Variants in NFIX observed in about 807,000 individuals in gnomAD.
NFIX encodes nuclear factor I X.
In NFIX, 2 loss-of-function variants were observed where a neutral mutation model predicts 53.3. That is an observed-to-expected ratio of 0.04 (90% CI 0.02 to 0.12). NFIX has a LOEUF of 0.12. Among genes scored for constraint, NFIX ranks in the 10% least tolerant of loss-of-function variants. The probability of loss-of-function intolerance (pLI) is 1.00; values close to 1 mark genes in which losing one functional copy is unlikely to be tolerated. For missense variants in NFIX, 310 were observed against 674.5 expected, an observed-to-expected ratio of 0.46 and a Z score of 5.99; for synonymous variants, 244 against 289.0, an observed-to-expected ratio of 0.84 and a Z score of 1.58.
chr19:13,003,296 C>T (rs2011824378), intron 1 of NFIX, among the ~76,000 whole-genome samples: 1 of 152,134 alleles, frequency 6.6e-6, no homozygotes, highest in South Asian at 2.1e-4. Context: ...CCGAACACAT[C>T]GATGCGGCAT....
At position 13,043,741 on chromosome 19, in the gene NFIX, G is replaced by A. The variant is rs2014793972; in HGVS notation, c.559+18189G>A. 6.6e-6 allele frequency among the ~76,000 whole-genome samples: 1 copy of A among 152,210 alleles called. No homozygotes were observed. Among genetic ancestry groups the A allele is most frequent in the African/African-American group, 2.4e-5 (1 of 41,446 alleles). Reference sequence around the variant, plus strand: ...TGTGCCCTGCCCCAAGTCCCTGTGTGTAAGTGAGCATGCTCTCATCAGACT... The same window carrying A: ...TGTGCCCTGCCCCAAGTCCCTGTGTATAAGTGAGCATGCTCTCATCAGACT... On this transcript the variant is annotated intron_variant, in intron 2 of 10. Coordinates refer to ENST00000592199, the MANE Select transcript of NFIX (RefSeq NM_001365902.3). The surrounding 1 kb of genome is among the most constrained non-coding windows in gnomAD (Gnocchi z 4.0).
At chr19:13,019,027 C>T (rs183271622) in intron 1 of NFIX, among the ~76,000 whole-genome samples, 1 of 152,218 alleles carries the variant, frequency 6.6e-6, no homozygotes, top group Admixed American at 6.5e-5. Context: ...CTCTAATTGC[C>T]TGTAGTTACC....
chr19:13,068,241 C>T lies in NFIX; in HGVS notation c.560-4806C>T, dbSNP rs565994313. ...AAGAGGCAGTGTCCTCTTGGAAACACGCACAAGCACACGTGCCTGCAAACA... is the reference window on the plus strand; with the variant it reads ...AAGAGGCAGTGTCCTCTTGGAAACATGCACAAGCACACGTGCCTGCAAACA... On this transcript the variant is annotated intron_variant, in intron 2 of 10. Transcript: ENST00000592199. This position sits in a 1 kb window ranked among gnomAD's most constrained non-coding sequence, Gnocchi z 4.2. Among the ~76,000 whole-genome samples the T allele has an allele frequency of 1.1e-4, 17 of 152,222 alleles. No homozygotes were observed. The East Asian group carries it at 2.1e-3, about 19-fold the overall frequency.
intron 8 of NFIX, among the ~76,000 whole-genome samples, chr19:13,087,762 T>A (rs1599874515): frequency 2.4e-5 from 2 of 83,188 alleles, no homozygotes; most frequent in South Asian, 4.3e-4. Flanking sequence ...TCCCACAACT[T>A]CAAAAGAGGA....
Position 13,025,522 on chromosome 19 carries a change from C to G in NFIX, c.529C>G (p.Leu177Val), listed in dbSNP as rs1385213680. 1.2e-6 allele frequency: 2 copies of G among 1,613,168 alleles called. No homozygotes were observed. The highest frequency in any genetic ancestry group is 1.3e-5 in the African/African-American group (1 of 74,938). The change falls in exon 2 of 11, where the codon CTT becomes GTT. Residue 177 changes from leucine (L) to valine (V), a missense_variant. Transcript: ENST00000592199. This position sits in a 1 kb window ranked among gnomAD's most constrained non-coding sequence, Gnocchi z 7.5. ...TGGAGTCACAATCAAAGAACTGGAT[C>G]TTTATCTGGCTTACTTTGTCCACAC... ...HIGVTIKELD[L>V]YLAYFVHTPE...
At chr19:12,995,899 G>A (rs2011446625) in intron 1 of NFIX, 35 bp downstream of exon 1, 2 of 970,072 alleles carry the variant, frequency 2.1e-6, no homozygotes, top group South Asian at 4.6e-5. Context: ...CCGGGGGAGG[G>A]GAGCGGGCGC....
chr19:13,019,727 G>GTTTTTTTTTTTTTTTT (rs201956443), intron 1 of NFIX, among the ~76,000 whole-genome samples: 3 of 124,022 alleles, frequency 2.4e-5, no homozygotes, highest in African/African-American at 6.6e-5. Flanking sequence ...TTTTTTGTTT[G>GTTTTTTTTTTTTTTTT]TTTGTTTTTT....
At position 13,094,201 on chromosome 19, in the gene NFIX, A is replaced by G. The variant is rs150437794; in HGVS notation, c.1495-434A>G. ...GCTTTTAATCCAAAGAGACAGAAAG[A>G]AAACTCAGCAAGAAGCTGGGCCACC... On this transcript the variant is annotated intron_variant, in intron 10 of 10. Transcript: ENST00000592199. The surrounding 1 kb of genome is among the most constrained non-coding windows in gnomAD (Gnocchi z 4.3). Among the ~76,000 whole-genome samples the G allele has an allele frequency of 2.3e-3, 347 of 152,348 alleles. 4 individuals carry two copies. Among genetic ancestry groups the G allele is most frequent in the African/African-American group, 8.1e-3 (336 of 41,574 alleles).
chr19:13,015,814 G>A (rs1307299806), intron 1 of NFIX, among the ~76,000 whole-genome samples: 2 of 147,974 alleles, frequency 1.4e-5, no homozygotes, highest in East Asian at 2.0e-4. Context: ...ACACACACAC[G>A]CACACGCACA....
chr19:13,055,970 TC>T (rs1242564357), intron 2 of NFIX, among the ~76,000 whole-genome samples: 6 of 152,160 alleles, frequency 3.9e-5, no homozygotes, highest in Non-Finnish European at 5.9e-5. Flanking sequence ...TACGTGTGGT[TC>T]CCTGTGCGTG....
chr19:13,035,274 G>A (rs2014103858), intron 2 of NFIX, among the ~76,000 whole-genome samples: 3 of 152,164 alleles, frequency 2.0e-5, no homozygotes, highest in African/African-American at 7.2e-5. Context: ...TCGCTTTTCC[G>A]GATAGCAGAG....
Position 13,027,390 on chromosome 19 carries a change from T to C in NFIX, c.559+1838T>C, listed in dbSNP as rs1210605217. ...TCTCTGTCTATACAGCAAGCCAGAT[T>C]TGGGAGGGTGTGTGCCTGGTAGTAT... On this transcript the variant is annotated intron_variant, in intron 2 of 10. Transcript: ENST00000592199. This position sits in a 1 kb window ranked among gnomAD's most constrained non-coding sequence, Gnocchi z 4.3. Among the ~76,000 whole-genome samples the C allele has an allele frequency of 6.6e-6, 1 of 152,138 alleles. No individual in the cohort carries two copies. The highest frequency in any genetic ancestry group is 1.5e-5 in the Non-Finnish European group (1 of 68,026).
chr19:13,009,118 C>A lies in NFIX; in HGVS notation c.27+13254C>A, dbSNP rs1599712987. Among the ~76,000 whole-genome samples the A allele has an allele frequency of 6.6e-6, 1 of 152,226 alleles. No homozygotes were observed. The highest frequency in any genetic ancestry group is 1.5e-5 in the Non-Finnish European group (1 of 68,044). ...AGCCTGTCACAAGCACCGCCGCACA[C>A]CGGCACAATCTGTCGTCCACGCACA... On this transcript the variant is annotated intron_variant, in intron 1 of 10. Transcript: ENST00000592199. This position sits in a 1 kb window ranked among gnomAD's most constrained non-coding sequence, Gnocchi z 4.7.
At chr19:13,004,745 C>T (rs371869199) in intron 1 of NFIX, among the ~76,000 whole-genome samples, 1 of 152,090 alleles carries the variant, frequency 6.6e-6, no homozygotes. Context: ...TTCTAGACTC[C>T]GTGGTCGAGG....
rs189083284 is a variant in NFIX, at chr19:13,006,347, G to A, written c.27+10483G>A. Among the ~76,000 whole-genome samples the A allele has an allele frequency of 2.0e-5, 3 of 152,300 alleles. No homozygotes were observed. The highest frequency in any genetic ancestry group is 2.0e-4 in the Admixed American group (3 of 15,306). ...AAGGGTGTGTGGCTCAGCATGGCATGCCCATCATTTGCCCAGACCATGTTG... is the reference window on the plus strand; with the variant it reads ...AAGGGTGTGTGGCTCAGCATGGCATACCCATCATTTGCCCAGACCATGTTG... On this transcript the variant is annotated intron_variant, in intron 1 of 10. Transcript: ENST00000592199. The surrounding 1 kb of genome is among the most constrained non-coding windows in gnomAD (Gnocchi z 5.6).
intron 8 of NFIX, among the ~76,000 whole-genome samples, chr19:13,085,765 A>G (rs1351327264): frequency 5.3e-5 from 8 of 152,148 alleles, no homozygotes; most frequent in Admixed American, 3.3e-4. Flanking sequence ...TCATCGTGGT[A>G]AAAAAACAGT....
rs997501039 is a variant in NFIX, at chr19:13,090,460, G to A, written c.1494+70G>A. ...AGTCAGGGTTGGGGGGCATCTTGGT[G>A]TTAGGGAAGAGCCTGGAGTCCTTGG... On this transcript the variant is annotated intron_variant, in intron 10 of 10. Coordinates refer to ENST00000592199, the MANE Select transcript of NFIX (RefSeq NM_001365902.3). The surrounding 1 kb of genome is among the most constrained non-coding windows in gnomAD (Gnocchi z 6.6). 61 of 1,423,578 alleles carry A rather than the reference G, an allele frequency of 4.3e-5. No individual in the cohort carries two copies. The highest frequency in any genetic ancestry group is 5.7e-5 in the Non-Finnish European group (57 of 1,008,840). 88.2% of individuals were successfully genotyped at this position (1,423,578 alleles called of 1,614,324 possible). A position where few individuals can be genotyped will look rare whatever the true frequency, so the allele number is the denominator to read the frequency against.
chr19:13,033,893 G>T (rs1408712072), intron 2 of NFIX, among the ~76,000 whole-genome samples: 1 of 152,204 alleles, frequency 6.6e-6, no homozygotes, highest in Non-Finnish European at 1.5e-5. Context: ...AGCTCGTTTT[G>T]TCAGCTGCCT....
rs1419742956 is a variant in NFIX at position 13,096,401 on chromosome 19, C to T, written c.*1752C>T. On this transcript the variant is annotated 3_prime_UTR_variant, in exon 11 of 11. Coordinates refer to ENST00000592199, the MANE Select transcript of NFIX (RefSeq NM_001365902.3). ...TGACGGGAGGGGAGGAGGTCAGCGA[C>T]CTGGGGCCGTAGCGGCAGGCGAACG... 6.6e-6 allele frequency: 1 copy of T among 152,230 alleles called. No individual in the cohort carries two copies. The highest frequency in any genetic ancestry group is 1.5e-5 in the Non-Finnish European group (1 of 68,046). The allele number at this position is 152,230 out of a possible 1,614,324, so 9.4% of individuals were successfully genotyped here. A position where few individuals can be genotyped will look rare whatever the true frequency, so the allele number is the denominator to read the frequency against.
Sources: gnomAD v4.1 joint callset for allele counts (sites outside exome capture counted in the v4.1 genomes callset) on GRCh38, gnomAD v4.1.1 for gene constraint, Gnocchi (gnomAD v3.1) non-coding constraint, MANE v1.5 for transcripts, NCBI Gene and HGNC (gene_info 2026-07-23, HGNC 2026-07-21) for gene names.